The following TNS3 variants were observed in gnomAD, a reference collection of about 807,000 sequenced individuals.
The protein encoded by TNS3 is tensin-3.
Under a neutral mutation model 140.9 loss-of-function variants are expected in TNS3, and 45 were observed. The observed-to-expected ratio is 0.32, with a 90% CI of 0.25 to 0.41. TNS3 has a LOEUF of 0.41. Ranked by LOEUF, TNS3 falls within the 10% of genes least tolerant of loss-of-function variation. TNS3 has a pLI of 1.00. For synonymous variants in TNS3, 815 were observed against 788.4 expected (o/e 1.03, Z -0.56); for missense variants, 1,716 against 1,906.7 (o/e 0.90, Z 1.86).
At chr7:47,424,274 A>C in intron 9 of TNS3, 90 bp from the exon 10 acceptor site, 1 of 1,293,372 alleles carries the variant, frequency 7.7e-7, no homozygotes, top group Non-Finnish European at 1.1e-6. Flanking sequence ...TGGCTGTTCA[A>C]AGCGACCAGC....
rs773600889 is a variant in TNS3, at chr7:47,415,145, A to G, written c.535T>C (p.Phe179Leu). The change falls in exon 11 of 31, where the codon TTC becomes CTC. Residue 179 changes from phenylalanine (F) to leucine (L), a missense_variant. By Grantham distance (22) the Phe-to-Leu change is conservative. Transcript: ENST00000311160. ...GSVKMNASPL[F>L]LHFVILHGTP... ...CCGTGGAGGATGACAAAATGCAGGA[A>G]CAGGGGAGAGGCATTCATTTTCACC... is the stretch of plus-strand genomic sequence containing the variant. 6.2e-7 allele frequency: 1 copy of G among 1,612,286 alleles called. No individual in the cohort carries two copies. The highest frequency in any genetic ancestry group is 1.1e-5 in the South Asian group (1 of 90,790).
At chr7:47,391,959 C>A (rs530064573) in intron 16 of TNS3, among the ~76,000 whole-genome samples, 2 of 152,198 alleles carry the variant, frequency 1.3e-5, no homozygotes, top group Non-Finnish European at 2.9e-5. Context: ...CAGCTGCCAT[C>A]GCCGACAGTG....
chr7:47,424,191 G>C lies in TNS3; in HGVS notation c.390-7C>G. Reference sequence around the variant, plus strand: ...GTCAAGGGCCTGGTCGGCGCTGAAGGGGAGAGAGAGAGAAAGAGAGTTAAC... The same window carrying C: ...GTCAAGGGCCTGGTCGGCGCTGAAGCGGAGAGAGAGAGAAAGAGAGTTAAC... On this transcript the variant is annotated splice_polypyrimidine_tract_variant and splice_region_variant and intron_variant, in intron 9 of 30. Transcript: ENST00000311160. 6.2e-7 allele frequency: 1 copy of C among 1,613,806 alleles called. No homozygotes were observed. The highest frequency in any genetic ancestry group is 8.5e-7 in the Non-Finnish European group (1 of 1,179,878).
intron 16 of TNS3, among the ~76,000 whole-genome samples, chr7:47,383,619 A>G (rs1791902533): frequency 6.6e-6 from 1 of 152,250 alleles, no homozygotes; most frequent in African/African-American, 2.4e-5. Flanking sequence ...TAACAAGGGC[A>G]TATTTAGAAA....
intron 6 of TNS3, among the ~76,000 whole-genome samples, chr7:47,438,397 A>G (rs58500328): frequency 0.13 from 20,126 of 152,218 alleles, 2,073 homozygotes; most frequent in African/African-American, 0.28. Context: ...GAGGAGACTC[A>G]GGATGCGCTG....
At chr7:47,490,637 G>A (rs1278780194) in intron 3 of TNS3, among the ~76,000 whole-genome samples, 1 of 152,240 alleles carries the variant, frequency 6.6e-6, no homozygotes, top group African/African-American at 2.4e-5. Context: ...CCATAATGAA[G>A]GGAAGCCTGA....
At chr7:47,410,195 C>T (rs1793689655) in intron 13 of TNS3, among the ~76,000 whole-genome samples, 1 of 152,176 alleles carries the variant, frequency 6.6e-6, no homozygotes, top group African/African-American at 2.4e-5. Context: ...TCCTGGTCCT[C>T]CCTCTCACTT....
intron 16 of TNS3, among the ~76,000 whole-genome samples, chr7:47,378,308 G>A (rs1473523668): frequency 9.2e-5 from 14 of 152,100 alleles, no homozygotes; most frequent in South Asian, 2.1e-4. Flanking sequence ...TACACAGAAC[G>A]CAGGTCCACT....
chr7:47,325,366 C>T (rs953850363), intron 20 of TNS3, among the ~76,000 whole-genome samples: 4 of 152,104 alleles, frequency 2.6e-5, no homozygotes, highest in African/African-American at 7.2e-5. Context: ...TTGGGTGACC[C>T]GGTACCCACC....
chr7:47,578,413 C>T (rs2152029481), intron 1 of TNS3, among the ~76,000 whole-genome samples: 1 of 152,176 alleles, frequency 6.6e-6, no homozygotes, highest in African/African-American at 2.4e-5. Context: ...GTGCTTCATC[C>T]CCAAGTTGAT....
intron 1 of TNS3, among the ~76,000 whole-genome samples, chr7:47,551,826 C>T (rs1265132630): frequency 6.6e-6 from 1 of 152,116 alleles, no homozygotes; most frequent in Non-Finnish European, 1.5e-5. Context: ...TGTTATCACC[C>T]TAAATTCTTG....
intron 4 of TNS3, among the ~76,000 whole-genome samples, chr7:47,467,016 C>T (rs1305515664): frequency 6.6e-6 from 1 of 152,046 alleles, no homozygotes; most frequent in Non-Finnish European, 1.5e-5. Flanking sequence ...GTGGTGATGA[C>T]GGTGGTGGTG....
intron 20 of TNS3, among the ~76,000 whole-genome samples, chr7:47,331,940 C>T (rs1482074299): frequency 6.6e-6 from 1 of 152,238 alleles, no homozygotes; most frequent in Non-Finnish European, 1.5e-5. Context: ...TGGGGGGCAC[C>T]TTGGTAATGC....
At chr7:47,281,444 C>T (rs1017249181) in intron 28 of TNS3, among the ~76,000 whole-genome samples, 1 of 152,128 alleles carries the variant, frequency 6.6e-6, no homozygotes, top group African/African-American at 2.4e-5. Flanking sequence ...GACTCTGCAC[C>T]GGCACAGAGT....
chr7:47,534,574 G>A (rs545365784), intron 1 of TNS3, among the ~76,000 whole-genome samples: 1 of 152,244 alleles, frequency 6.6e-6, no homozygotes, highest in African/African-American at 2.4e-5. Context: ...CTGGAATGTT[G>A]TCAAACCCCC....
intron 5 of TNS3, among the ~76,000 whole-genome samples, chr7:47,440,140 C>T (rs1795393235): frequency 6.6e-6 from 1 of 152,016 alleles, no homozygotes; most frequent in South Asian, 2.1e-4. Context: ...CAAACATCAG[C>T]AAGCAGCTCC....
chr7:47,400,776 G>A lies in TNS3; in HGVS notation c.853+9C>T, dbSNP rs561626709. On this transcript the variant is annotated intron_variant, in intron 14 of 30. Transcript: ENST00000311160. ...CCACAAGCACAGGGCCGCCAGCTCC[G>A]CGCCTCACCTTTGCTGGCATTGTCC... 186 of 1,613,592 alleles carry A rather than the reference G, an allele frequency of 1.2e-4. No homozygotes were observed. The South Asian group carries it at 1.4e-3, about 12-fold the overall frequency.
intron 27 of TNS3, 126 bp downstream of exon 27, chr7:47,291,829 G>T (rs1785721601): frequency 9.5e-7 from 1 of 1,057,484 alleles, no homozygotes; most frequent in Admixed American, 2.5e-5. Context: ...TCTATAAAAG[G>T]AAACCTCCTT....
chr7:47,442,919 T>A (rs1194020722), intron 4 of TNS3, among the ~76,000 whole-genome samples: 1 of 152,204 alleles, frequency 6.6e-6, no homozygotes, highest in Non-Finnish European at 1.5e-5. Flanking sequence ...CAGGTGCAGC[T>A]CACCTGGACT....
Sources: allele counts gnomAD v4.1 joint callset (sites outside exome capture counted in the v4.1 genomes callset), GRCh38; gene constraint gnomAD v4.1.1; transcripts MANE v1.5; gene names NCBI Gene and HGNC (gene_info 2026-07-23, HGNC 2026-07-21).